Variants in CCNJL observed in about 807,000 individuals in gnomAD.
The protein encoded by CCNJL is cyclin-J-like protein.
In CCNJL, 33 loss-of-function variants were observed where a neutral mutation model predicts 33.4. That is an observed-to-expected ratio of 0.99 (90% confidence interval 0.75 to 1.32). CCNJL has a LOEUF of 1.32. Among genes scored for constraint, CCNJL ranks in the 40% most tolerant of loss-of-function variants. CCNJL has a pLI of 0.00. For missense variants in CCNJL, 512 were observed against 499.7 expected, an observed-to-expected ratio of 1.02 and a Z score of -0.23; for synonymous variants, 227 against 220.9, an observed-to-expected ratio of 1.03 and a Z score of -0.24.
At chr5:160,260,429 C>T (rs79588994) in intron 3 of CCNJL, among the ~76,000 whole-genome samples, 8,031 of 152,214 alleles carry the variant, frequency 0.053, 283 homozygotes, top group Middle Eastern at 0.092. Flanking sequence ...AGCGAGTCAC[C>T]ACTGTGGACA....
chr5:160,285,584 A>C (rs1267170551), intron 2 of CCNJL, among the ~76,000 whole-genome samples: 3 of 152,370 alleles, frequency 2.0e-5, no homozygotes, highest in East Asian at 3.9e-4. Flanking sequence ...ACTTCAAAGA[A>C]GACAGATTGA....
chr5:160,285,163 T>C (rs1342352997), intron 2 of CCNJL, among the ~76,000 whole-genome samples: 1 of 152,124 alleles, frequency 6.6e-6, no homozygotes, highest in African/African-American at 2.4e-5. Flanking sequence ...GCACTCTAGC[T>C]TGGGTGACAG....
upstream of CCNJL, among the ~76,000 whole-genome samples, chr5:160,314,514 A>G (rs534389112): frequency 1.3e-5 from 2 of 152,368 alleles, no homozygotes; most frequent in South Asian, 4.1e-4. Context: ...AGAAGAAAAC[A>G]TACACGAATT....
chr5:160,291,793 A>T (rs1762592875), intron 2 of CCNJL, among the ~76,000 whole-genome samples: 1 of 152,246 alleles, frequency 6.6e-6, no homozygotes, highest in African/African-American at 2.4e-5. Context: ...GGAGAGGCTT[A>T]CAAAAAGCGC....
chr5:160,253,517 A>G lies in CCNJL; in HGVS notation c.1025T>C (p.Met342Thr), dbSNP rs1760904052. 6.2e-7 allele frequency: 1 copy of G among 1,614,080 alleles called. No homozygotes were observed. The highest frequency in any genetic ancestry group is 1.7e-5 in the Admixed American group (1 of 59,998). Residue 342 changes from methionine to threonine, a missense_variant, in exon 6 of 6, where the codon ATG (methionine) becomes ACG (threonine). Physicochemically the swap from Met to Thr is moderately conservative, Grantham distance 81. Coordinates refer to ENST00000257536, the MANE Select transcript of CCNJL (RefSeq NM_001308173.3). ...GGATGCAGGGACGGGCACGGGACAC[A>G]TATCCAAGGGCTGCAGCGGTTGGTA... is the stretch of plus-strand genomic sequence containing the variant. Reference protein sequence around the residue: ...TPYQPLQPLDMCPVPVPASLS... With the variant: ...TPYQPLQPLDTCPVPVPASLS...
intron 1 of CCNJL, chr5:160,326,920 CG>C (rs1403888055): frequency 1.5e-6 from 1 of 653,012 alleles, no homozygotes; most frequent in Non-Finnish European, 2.9e-6. Flanking sequence ...ACGACCGAGT[CG>C]GATCATGCTA....
intron 2 of CCNJL, among the ~76,000 whole-genome samples, chr5:160,304,830 T>C (rs1008534442): frequency 6.6e-5 from 10 of 151,716 alleles, no homozygotes; most frequent in African/African-American, 2.4e-4. Flanking sequence ...TTCTTTTTTT[T>C]TTTAGAGGAA....
chr5:160,271,363 A>G (rs1017063141), intron 3 of CCNJL, among the ~76,000 whole-genome samples: 2 of 152,202 alleles, frequency 1.3e-5, no homozygotes, highest in African/African-American at 4.8e-5. Flanking sequence ...AAACAAAAAT[A>G]AAATTAAAAT....
chr5:160,279,617 C>T (rs1762138404), intron 3 of CCNJL, among the ~76,000 whole-genome samples: 1 of 152,150 alleles, frequency 6.6e-6, no homozygotes, highest in South Asian at 2.1e-4. Context: ...AAGGTTTTCA[C>T]AGGGATCTAG....
intron 2 of CCNJL, among the ~76,000 whole-genome samples, chr5:160,310,944 T>C (rs1314697883): frequency 6.6e-6 from 1 of 152,226 alleles, no homozygotes; most frequent in Non-Finnish European, 1.5e-5. Flanking sequence ...CTTCCAGAGC[T>C]GAAATAAATT....
intron 3 of CCNJL, among the ~76,000 whole-genome samples, chr5:160,279,504 C>T (rs188883852): frequency 1.3e-5 from 2 of 152,292 alleles, no homozygotes; most frequent in East Asian, 3.9e-4. Flanking sequence ...CCTTTCCATC[C>T]CTGAAACTTG....
intron 3 of CCNJL, among the ~76,000 whole-genome samples, chr5:160,272,443 A>G (rs1287270415): frequency 1.3e-5 from 2 of 152,236 alleles, no homozygotes; most frequent in African/African-American, 2.4e-5. Flanking sequence ...ACTAAAAGCA[A>G]TCAGTCTGGA....
intron 2 of CCNJL, among the ~76,000 whole-genome samples, chr5:160,288,828 C>T (rs11738384): frequency 1.8e-4 from 17 of 94,644 alleles, no homozygotes; most frequent in Non-Finnish European, 2.7e-4. Context: ...GAGACTCTGT[C>T]TAAAAAAAAA....
intron 3 of CCNJL, among the ~76,000 whole-genome samples, chr5:160,270,253 G>A (rs562706117): frequency 2.0e-5 from 3 of 152,296 alleles, no homozygotes; most frequent in Non-Finnish European, 4.4e-5. Flanking sequence ...AGACCAGCCT[G>A]ACCAATATGG....
At chr5:160,273,697 G>C (rs1312030475) in intron 3 of CCNJL, among the ~76,000 whole-genome samples, 1 of 130,506 alleles carries the variant, frequency 7.7e-6, no homozygotes, top group East Asian at 2.3e-4. Flanking sequence ...TCCAAGCTGT[G>C]GTACAGTGGC....
intron 2 of CCNJL, among the ~76,000 whole-genome samples, chr5:160,295,374 A>G (rs577523482): frequency 2.0e-5 from 3 of 152,262 alleles, no homozygotes; most frequent in Admixed American, 2.0e-4. Context: ...CCGTAGTCCC[A>G]GCTACTCGGG....
chr5:160,264,884 A>G (rs4921272), intron 3 of CCNJL, among the ~76,000 whole-genome samples: 147,310 of 152,292 alleles, frequency 0.97, 71,275 homozygotes, highest in East Asian at 1. Flanking sequence ...GCGCCAAGAG[A>G]AGCAGTTATT....
At chr5:160,275,631 C>T (rs960024395) in intron 3 of CCNJL, among the ~76,000 whole-genome samples, 3 of 152,150 alleles carry the variant, frequency 2.0e-5, no homozygotes, top group African/African-American at 4.8e-5. Context: ...ACTACAAGCA[C>T]GTGCCACCAC....
chr5:160,252,338 AT>A lies in CCNJL; in HGVS notation c.*1039del, dbSNP rs1580935474. ...AGGTGGGACTAAGCAAATTTTCCAC[AT>A]TGCTATCCTTCGCTATCAGCCACAC... is the stretch of plus-strand genomic sequence containing the variant. On this transcript the variant is annotated 3_prime_UTR_variant, in exon 6 of 6. Coordinates refer to ENST00000257536, the MANE Select transcript of CCNJL (RefSeq NM_001308173.3). 1 of 152,534 alleles carries A rather than the reference AT, an allele frequency of 6.6e-6. No individual in the cohort carries two copies. Among genetic ancestry groups the A allele is most frequent in the East Asian group, 1.9e-4 (1 of 5,198 alleles). 9.4% of individuals were successfully genotyped at this position (152,534 alleles called of 1,614,324 possible).
Sources: gnomAD v4.1 joint callset for allele counts (sites outside exome capture counted in the v4.1 genomes callset) on GRCh38, gnomAD v4.1.1 for gene constraint, MANE v1.5 for transcripts, NCBI Gene and HGNC (gene_info 2026-07-23, HGNC 2026-07-21) for gene names.